Variants in ARHGEF40 observed in about 807,000 individuals in gnomAD.
The protein encoded by ARHGEF40 is Rho guanine nucleotide exchange factor (GEF) 40.
A neutral mutation model predicts 165.9 loss-of-function variants in ARHGEF40; 98 were observed. The ratio of observed to expected loss-of-function variants is 0.59; its 90% confidence interval spans 0.50 to 0.70. ARHGEF40 has a LOEUF of 0.70. Among genes scored for constraint, ARHGEF40 ranks in the 30% least tolerant of loss-of-function variants. The pLI, the probability that ARHGEF40 is intolerant of heterozygous loss-of-function variation, is 0.00. For synonymous variants in ARHGEF40, 792 were observed against 814.3 expected, an observed-to-expected ratio of 0.97 and a Z score of 0.47; for missense variants, 1,815 against 1,968.0, an observed-to-expected ratio of 0.92 and a Z score of 1.47.
chr14:21,076,251 C>A, intron 5 of ARHGEF40, 109 bp from the exon 6 acceptor site: 2 of 883,328 alleles, frequency 2.3e-6, no homozygotes, highest in Non-Finnish European at 3.5e-6. Flanking sequence ...CAACTAATTT[C>A]TCCTCAGGAC....
At chr14:21,076,099 A>C (rs1594557114) in intron 5 of ARHGEF40, among the ~76,000 whole-genome samples, 2 of 152,340 alleles carry the variant, frequency 1.3e-5, no homozygotes, top group East Asian at 3.9e-4. Flanking sequence ...ACGCCATTTC[A>C]GAACAGAATT....
chr14:21,088,077 G>GA lies in ARHGEF40; in HGVS notation c.4498dup (p.Ile1500AsnfsTer15), dbSNP rs1266237615. On this transcript the variant is annotated frameshift_variant, in exon 22 of 24. Coordinates refer to ENST00000298694, the MANE Select transcript of ARHGEF40 (RefSeq NM_018071.5). LOFTEE classifies it high-confidence loss of function. ...GCACTCCCACCCTGGCCAGTCGAGG[G>GA]ATCTTAGGGCTATCCCGACAGGTAA... 1.2e-6 allele frequency: 2 copies of GA among 1,613,290 alleles called. No individual in the cohort carries two copies. The highest frequency in any genetic ancestry group is 1.7e-6 in the Non-Finnish European group (2 of 1,179,648).
Position 21,078,459 on chromosome 14 carries a change from G to C in ARHGEF40, c.2217G>C (p.Leu739=). ...TALQRDGGAI[L]MRLRSTPSSK... ...TGCAGAGGGATGGGGGGGCCATCCT[G>C]ATGAGGCTGCGCTCCACTCCCAGCA... Residue 739 remains leucine, a synonymous_variant, in exon 10 of 24, where the codon CTG becomes CTC. Transcript: ENST00000298694. The C allele has an allele frequency of 6.2e-7, 1 of 1,607,280 alleles. No homozygotes were observed. Among genetic ancestry groups the C allele is most frequent in the Non-Finnish European group, 8.5e-7 (1 of 1,175,988 alleles).
rs1888448271 is a variant in ARHGEF40 at position 21,087,442 on chromosome 14, GA to G, written c.4367del (p.Asp1456AlafsTer46). ...ARVEEEAWDL[D>X]VKQISLAPET... ...CGTCGAGGAGGAGGCCTGGGATCTG[GA>G]CGTCAAGCAAATTTCCCTGGGTGAG... On this transcript the variant is annotated frameshift_variant, in exon 21 of 24. Coordinates refer to ENST00000298694, the MANE Select transcript of ARHGEF40 (RefSeq NM_018071.5). LOFTEE classifies it high-confidence loss of function. 1.2e-6 allele frequency: 2 copies of G among 1,600,882 alleles called. No individual in the cohort carries two copies.
rs1887161606 is a variant in ARHGEF40, at chr14:21,073,708, T to C, written c.202-224T>C. 1.3e-5 allele frequency among the ~76,000 whole-genome samples: 2 copies of C among 152,154 alleles called. No individual in the cohort carries two copies. Among genetic ancestry groups the C allele is most frequent in the Non-Finnish European group, 2.9e-5 (2 of 68,012 alleles). On this transcript the variant is annotated intron_variant, in intron 2 of 23. Transcript: ENST00000298694. This position sits in a 1 kb window ranked among gnomAD's most constrained non-coding sequence, Gnocchi z 4.6. ...GATTCAGTTCTTACCCTCCCACACATGGAACTAGCTTCCTGAAGAATCTTC... is the reference window on the plus strand; with the variant it reads ...GATTCAGTTCTTACCCTCCCACACACGGAACTAGCTTCCTGAAGAATCTTC...
upstream of ARHGEF40, among the ~76,000 whole-genome samples, chr14:21,069,908 C>A (rs8019890): frequency 0.45 from 68,195 of 152,092 alleles, 16,048 homozygotes; most frequent in Non-Finnish European, 0.53. Context: ...TGGGAAGGGG[C>A]GGCCCAAGGG....
intron 15 of ARHGEF40, 22 bp from the exon 16 acceptor site, chr14:21,082,809 T>C (rs1404999898): frequency 8.1e-6 from 13 of 1,612,826 alleles, no homozygotes; most frequent in Non-Finnish European, 1.1e-5. Context: ...GGGGACTCCT[T>C]ATCTGTTCTT....
intron 19 of ARHGEF40, chr14:21,086,742 G>A: frequency 2.3e-6 from 1 of 444,088 alleles, no homozygotes; most frequent in East Asian, 3.7e-5. Context: ...TAGAAATTAG[G>A]CAGCTGGGAT....
rs148208165 is a variant in ARHGEF40 at position 21,074,031 on chromosome 14, C to T, written c.301C>T (p.Arg101Cys). ...AGCAGCCCTACCCTGGCAACTGCTG[C>T]GCCCAGGAGACTTCTATCTGCAGGT... The part of the protein sequence containing the change: ...QLAALPWQLL[R>C]PGDFYLQVVP... Residue 101 changes from arginine (R) to cysteine (C), a missense_variant, in exon 3 of 24, where the codon CGC becomes TGC. By Grantham distance (180) the Arg-to-Cys change is radical. Coordinates refer to ENST00000298694, the MANE Select transcript of ARHGEF40 (RefSeq NM_018071.5). This position sits in a 1 kb window ranked among gnomAD's most constrained non-coding sequence, Gnocchi z 4.8. 28 of 1,614,076 alleles carry T rather than the reference C, an allele frequency of 1.7e-5. No homozygotes were observed. The African/African-American group carries it at 1.9e-4, about 11-fold the overall frequency.
chr14:21,083,418 C>T (rs1394439508), intron 16 of ARHGEF40, among the ~76,000 whole-genome samples: 11 of 150,572 alleles, frequency 7.3e-5, no homozygotes, highest in East Asian at 5.9e-4. Context: ...GGCGTGGTGG[C>T]GGGCACCTGT....
At chr14:21,071,377 G>T (rs554091548) in intron 1 of ARHGEF40, among the ~76,000 whole-genome samples, 1 of 152,316 alleles carries the variant, frequency 6.6e-6, no homozygotes, top group Non-Finnish European at 1.5e-5. Context: ...TGGAGGAGGG[G>T]GAGAGGCCTT....
At chr14:21,070,290 G>C, upstream of ARHGEF40, 1 of 1,212,990 alleles carries the variant, frequency 8.2e-7, no homozygotes, top group Non-Finnish European at 1.0e-6. This position sits in a 1 kb window ranked among gnomAD's most constrained non-coding sequence, Gnocchi z 4.7. Flanking sequence ...CGCGGCCGGA[G>C]CTGTCCCTTA....
chr14:21,069,559 G>A (rs894087014), upstream of ARHGEF40, among the ~76,000 whole-genome samples: 2 of 152,226 alleles, frequency 1.3e-5, no homozygotes, highest in Admixed American at 6.5e-5. Flanking sequence ...CCCGATCCGG[G>A]AACCCTGCCC....
rs1594587969 is a variant in ARHGEF40 at position 21,089,089 on chromosome 14, C to T, written c.*81C>T. On this transcript the variant is annotated 3_prime_UTR_variant, in exon 24 of 24. Coordinates refer to ENST00000298694, the MANE Select transcript of ARHGEF40 (RefSeq NM_018071.5). ...GGGATGGCAGTGGGGCATAATGGAG[C>T]CCTGGGCGATCGCTGAATTTCTTCC... 3 of 509,112 alleles carry T rather than the reference C, an allele frequency of 5.9e-6. No homozygotes were observed. In the East Asian group the frequency reaches 9.8e-5, roughly 17 times the overall value. 31.5% of individuals were successfully genotyped at this position (509,112 alleles called of 1,614,324 possible). A position where few individuals can be genotyped will look rare whatever the true frequency, so the allele number is the denominator to read the frequency against.
chr14:21,084,959 A>T, intron 18 of ARHGEF40, 36 bp downstream of exon 18: 1 of 1,598,884 alleles, frequency 6.3e-7, no homozygotes, highest in Middle Eastern at 1.7e-4. Flanking sequence ...AGGTGACAGG[A>T]AGTCATTCTC....
Position 21,082,034 on chromosome 14 carries a change from G to A in ARHGEF40, c.3166G>A (p.Glu1056Lys). ...EVVDRTCSPR[E>K]HVLLGRARGP... The stretch of plus-strand genomic sequence containing the variant: ...GGTAGACAGGACGTGCTCACCACGG[G>A]AACACGTGCTGCTGGGCCGGGCTAG... The change falls in exon 14 of 24, where the codon GAA becomes AAA. Residue 1056 changes from glutamate to lysine, a missense_variant. By Grantham distance (56) the Glu-to-Lys change is moderately conservative (BLOSUM62 1). Transcript: ENST00000298694. The A allele has an allele frequency of 1.3e-6, 2 of 1,565,920 alleles. No homozygotes were observed. Among genetic ancestry groups the A allele is most frequent in the Non-Finnish European group, 1.7e-6 (2 of 1,155,046 alleles).
At chr14:21,086,927 AAAATCAAC>A in intron 19 of ARHGEF40, 66 bp from the exon 20 acceptor site, 1 of 1,183,608 alleles carries the variant, frequency 8.4e-7, no homozygotes, top group Non-Finnish European at 1.2e-6. Context: ...AAAAAAGAAA[AAAATCAAC>A]CATGACATGC....
chr14:21,074,222 C>G lies in ARHGEF40; in HGVS notation c.492C>G (p.Thr164=). The change falls in exon 3 of 24, where the codon ACC becomes ACG. Residue 164 remains threonine (T), a synonymous_variant. Coordinates refer to ENST00000298694, the MANE Select transcript of ARHGEF40 (RefSeq NM_018071.5). This position sits in a 1 kb window ranked among gnomAD's most constrained non-coding sequence, Gnocchi z 4.8. ...ACCGGCCAACAGGTCGCCTCAGTAC[C>G]TGCCTACTGTCTGCGCCCTCTGGGA... ...NKDRPTGRLS[T]CLLSAPSGIQ... The G allele has an allele frequency of 6.2e-7, 1 of 1,614,186 alleles. No individual in the cohort carries two copies. Among genetic ancestry groups the G allele is most frequent in the Non-Finnish European group, 8.5e-7 (1 of 1,180,040 alleles).
chr14:21,063,232 A>ATG, the ARHGEF40 span, among the ~76,000 whole-genome samples: 20 of 150,880 alleles, frequency 1.3e-4, no homozygotes, highest in African/African-American at 2.7e-4. Flanking sequence ...GTGTGTGTGT[A>ATG]TGTGTGTGTG....
Sources: allele counts gnomAD v4.1 joint callset (sites outside exome capture counted in the v4.1 genomes callset), GRCh38; gene constraint gnomAD v4.1.1; non-coding constraint Gnocchi (gnomAD v3.1); transcripts MANE v1.5; gene names NCBI Gene and HGNC (gene_info 2026-07-23, HGNC 2026-07-21).